CDH9: variants seen among roughly 807,000 people sequenced by gnomAD.
CDH9 encodes cadherin 9.
CDH9 carries 28 observed loss-of-function variants against 70.9 expected under a neutral mutation model. That is an observed-to-expected ratio of 0.40 (90% CI 0.29 to 0.54). The LOEUF is 0.54. Among genes scored for constraint, CDH9 ranks in the 20% least tolerant of loss-of-function variants. CDH9 has a pLI of 0.59. For synonymous variants in CDH9, 409 were observed against 343.1 expected (o/e 1.19, Z -2.12); for missense variants, 874 against 984.4 (o/e 0.89, Z 1.50).
intron 2 of CDH9, among the ~76,000 whole-genome samples, chr5:26,978,661 C>T (rs1742344752): frequency 8.7e-6 from 1 of 115,544 alleles, no homozygotes; most frequent in East Asian, 2.0e-4. Flanking sequence ...GAATTTCAAA[C>T]AGAATTAAAA....
chr5:27,036,381 T>TA (rs1022707855), intron 1 of CDH9, among the ~76,000 whole-genome samples: 10 of 151,960 alleles, frequency 6.6e-5, no homozygotes, highest in Admixed American at 5.9e-4. Flanking sequence ...ACACAACATT[T>TA]AAAAGAATAA....
intron 1 of CDH9, among the ~76,000 whole-genome samples, chr5:27,011,798 G>A (rs954376216): frequency 2.6e-5 from 4 of 151,970 alleles, no homozygotes; most frequent in Non-Finnish European, 5.9e-5. Context: ...ATTTGCAAAT[G>A]TTCTAGAAAG....
intron 2 of CDH9, among the ~76,000 whole-genome samples, chr5:26,934,139 C>A (rs1331193258): frequency 6.6e-6 from 1 of 152,064 alleles, no homozygotes; most frequent in African/African-American, 2.4e-5. Flanking sequence ...GTGCTAGGTT[C>A]TTTTCAACAA....
At chr5:26,981,584 A>G (rs1207129319) in intron 2 of CDH9, among the ~76,000 whole-genome samples, 2 of 152,094 alleles carry the variant, frequency 1.3e-5, no homozygotes, top group Non-Finnish European at 2.9e-5. Flanking sequence ...AGGCAGAGGC[A>G]GGTGGATCAT....
chr5:27,014,427 G>A (rs1218421097), intron 1 of CDH9, among the ~76,000 whole-genome samples: 8 of 151,874 alleles, frequency 5.3e-5, no homozygotes, highest in Non-Finnish European at 2.9e-5. Flanking sequence ...TGTGAAAGCT[G>A]GACTTTGACA....
At chr5:27,000,939 G>T (rs938755828) in intron 1 of CDH9, among the ~76,000 whole-genome samples, 11 of 152,066 alleles carry the variant, frequency 7.2e-5, no homozygotes, top group South Asian at 6.2e-4. Context: ...AAAGATGAGT[G>T]GTTTCCAGTG....
intron 2 of CDH9, among the ~76,000 whole-genome samples, chr5:26,926,919 C>A (rs992349541): frequency 8.5e-5 from 12 of 140,786 alleles, no homozygotes; most frequent in East Asian, 2.1e-4. Context: ...AAAATACAGC[C>A]CCCCCCCGCA....
intron 1 of CDH9, among the ~76,000 whole-genome samples, chr5:26,994,569 T>G (rs565891706): frequency 6.1e-5 from 9 of 147,700 alleles, no homozygotes; most frequent in South Asian, 2.1e-4. Flanking sequence ...GTTTGTTTTG[T>G]TTTTTTTTGC....
At chr5:26,917,651 C>T (rs1009952856) in intron 2 of CDH9, among the ~76,000 whole-genome samples, 3 of 151,984 alleles carry the variant, frequency 2.0e-5, no homozygotes, top group Non-Finnish European at 2.9e-5. Context: ...CACATGTAGC[C>T]TTCCCATCTC....
chr5:26,958,988 A>C (rs1270064154), intron 2 of CDH9, among the ~76,000 whole-genome samples: 1 of 152,178 alleles, frequency 6.6e-6, no homozygotes, highest in African/African-American at 2.4e-5. Context: ...CACAAACAAC[A>C]AAAGACAATA....
chr5:26,915,859 G>T lies in CDH9; in HGVS notation c.294C>A (p.Gly98=). The T allele has an allele frequency of 6.2e-7, 1 of 1,611,180 alleles. No individual in the cohort carries two copies. The highest frequency in any genetic ancestry group is 8.5e-7 in the Non-Finnish European group (1 of 1,177,474). Residue 98 remains glycine (G), a synonymous_variant, in exon 3 of 12, where the codon GGC becomes GGA. Transcript: ENST00000231021. ...LKYILTGDGA[G]SLFVIDENTG... Reference sequence around the variant, plus strand: ...TATTTTCATCTATAACAAATAGACTGCCAGCCCCATCTCCTGTTAGTATGT... The same window carrying T: ...TATTTTCATCTATAACAAATAGACTTCCAGCCCCATCTCCTGTTAGTATGT...
chr5:26,884,078 T>TA (rs889047757), intron 11 of CDH9, among the ~76,000 whole-genome samples: 2 of 151,922 alleles, frequency 1.3e-5, no homozygotes, highest in African/African-American at 2.4e-5. Flanking sequence ...ACTACAATAA[T>TA]AAAAAATTAC....
At chr5:26,906,925 G>C (rs1740959167) in intron 3 of CDH9, 87 bp from the exon 4 acceptor site, 1 of 1,430,958 alleles carries the variant, frequency 7.0e-7, no homozygotes, top group African/African-American at 1.4e-5. Context: ...TGCTCTCAGT[G>C]TTTTGTATTA....
At chr5:26,951,944 A>ATTTT (rs1741852284) in intron 2 of CDH9, among the ~76,000 whole-genome samples, 3 of 147,906 alleles carry the variant, frequency 2.0e-5, no homozygotes, top group Non-Finnish European at 3.0e-5. Flanking sequence ...CTCATGTTAA[A>ATTTT]ATTTATTTTA....
chr5:26,939,961 C>T (rs116222284), intron 2 of CDH9, among the ~76,000 whole-genome samples: 2,210 of 151,920 alleles, frequency 0.015, 27 homozygotes, highest in Middle Eastern at 0.065. Context: ...ACCAGCCTGG[C>T]CAAATGGAGA....
chr5:26,893,806 T>C (rs779309653), intron 7 of CDH9, among the ~76,000 whole-genome samples: 1 of 152,072 alleles, frequency 6.6e-6, no homozygotes, highest in Non-Finnish European at 1.5e-5. Context: ...TGTAGTAAAA[T>C]TGAGCATGCA....
chr5:26,881,000 C>T lies in CDH9; in HGVS notation c.*136G>A, dbSNP rs751486609. ...ACAAAGACTTACTGATTAAGCAAAT[C>T]CCTACTTGACAACATCTACGTATTG... On this transcript the variant is annotated 3_prime_UTR_variant, in exon 12 of 12. Transcript: ENST00000231021. The T allele has an allele frequency of 2.8e-6, 2 of 718,472 alleles. No individual in the cohort carries two copies. The highest frequency in any genetic ancestry group is 2.3e-6 in the Non-Finnish European group (1 of 441,592). The allele number at this position is 718,472 out of a possible 1,614,324, so 44.5% of individuals were successfully genotyped here.
chr5:26,914,119 A>G (rs1741104195), intron 3 of CDH9, among the ~76,000 whole-genome samples: 1 of 151,966 alleles, frequency 6.6e-6, no homozygotes. Flanking sequence ...TATCTTAATT[A>G]TACTTTTTAC....
intron 1 of CDH9, among the ~76,000 whole-genome samples, chr5:27,016,221 G>A (rs533103865): frequency 9.9e-5 from 15 of 151,638 alleles, no homozygotes; most frequent in East Asian, 1.9e-4. Context: ...TTGGATTTTC[G>A]AGAACACTGA....
Sources: gnomAD v4.1 joint callset for allele counts (sites outside exome capture counted in the v4.1 genomes callset) on GRCh38, gnomAD v4.1.1 for gene constraint, MANE v1.5 for transcripts, NCBI Gene and HGNC (gene_info 2026-07-23, HGNC 2026-07-21) for gene names.